Variants in CTNNA1 observed in about 807,000 individuals in gnomAD.
The protein encoded by CTNNA1 is catenin alpha-1.
In CTNNA1, 37 loss-of-function variants were observed where a neutral mutation model predicts 98.4. That is an observed-to-expected ratio of 0.38 (90% CI 0.29 to 0.49). CTNNA1 has a LOEUF of 0.49. Ranked by LOEUF, CTNNA1 falls within the 20% of genes least tolerant of loss-of-function variation. The pLI is 0.95. For synonymous variants in CTNNA1, 404 were observed against 413.2 expected (o/e 0.98, Z 0.27); for missense variants, 761 against 1,147.2 (o/e 0.66, Z 4.86).
At chr5:138,853,680 T>G (rs1763455467) in intron 7 of CTNNA1, among the ~76,000 whole-genome samples, 1 of 152,182 alleles carries the variant, frequency 6.6e-6, no homozygotes, top group South Asian at 2.1e-4. Context: ...GAAAGATGTG[T>G]AAGGAATTTA....
chr5:138,930,879 A>C lies in CTNNA1; in HGVS notation c.2242A>C (p.Lys748Gln), dbSNP rs1254765947. Reference sequence around the variant, plus strand: ...ATCGGATGTCATCAGTGCTGCCAAGAAAATTGCTGAGGCAGGATCCAGGAT... The same window carrying C: ...ATCGGATGTCATCAGTGCTGCCAAGCAAATTGCTGAGGCAGGATCCAGGAT... Reference protein sequence around the residue: ...NTSDVISAAKKIAEAGSRMDK... With the variant: ...NTSDVISAAKQIAEAGSRMDK... The change falls in exon 16 of 18, where the codon AAA becomes CAA. Residue 748 changes from lysine (K) to glutamine (Q), a missense_variant. By Grantham distance (53) the Lys-to-Gln change is moderately conservative. Transcript: ENST00000302763. 3 of 1,613,966 alleles carry C rather than the reference A, an allele frequency of 1.9e-6. No individual in the cohort carries two copies. In the African/African-American group the frequency reaches 4.0e-5, roughly 22 times the overall value.
intron 7 of CTNNA1, among the ~76,000 whole-genome samples, chr5:138,866,040 G>A (rs1044702953): frequency 3.3e-5 from 5 of 152,152 alleles, no homozygotes; most frequent in Non-Finnish European, 5.9e-5. Context: ...GCTGGGTGTG[G>A]TGGCGAACGC....
intron 17 of CTNNA1, 121 bp from the exon 18 acceptor site, chr5:138,933,681 C>T (rs976845829): frequency 3.6e-5 from 37 of 1,019,364 alleles, no homozygotes; most frequent in Admixed American, 1.6e-4. Flanking sequence ...CAATCCTCTG[C>T]GACCTGCCCA....
intron 9 of CTNNA1, among the ~76,000 whole-genome samples, chr5:138,902,474 C>T (rs886601093): frequency 6.6e-6 from 1 of 152,240 alleles, no homozygotes; most frequent in Non-Finnish European, 1.5e-5. Context: ...GGCTGGAGTG[C>T]AGTGGCGTGA....
At position 138,783,295 on chromosome 5, in the gene CTNNA1, A is replaced by G; in HGVS notation, c.224A>G (p.Lys75Arg). Reference protein sequence around the residue: ...VEQATENFLEKGDKIAKESQF... With the variant: ...VEQATENFLERGDKIAKESQF... ...CAAGCAACTGAGAATTTCTTGGAGA[A>G]GGGGGATAAAATTGCGAAGGAGAGC... Residue 75 changes from lysine (K) to arginine (R), a missense_variant, in exon 3 of 18, where the codon AAG becomes AGG. This residue lies in a region of CTNNA1 where 328 missense variants were observed against 354.3 expected (regional missense o/e 0.93). Transcript: ENST00000302763. 6.2e-7 allele frequency: 1 copy of G among 1,614,150 alleles called. No homozygotes were observed.
intron 3 of CTNNA1, among the ~76,000 whole-genome samples, chr5:138,799,517 T>G (rs188027666): frequency 6.6e-6 from 1 of 152,292 alleles, no homozygotes; most frequent in African/African-American, 2.4e-5. Context: ...AAAAAAAAGT[T>G]GTTGATTCCT....
At chr5:138,782,699 G>A (rs917785874) in intron 2 of CTNNA1, among the ~76,000 whole-genome samples, 9 of 152,286 alleles carry the variant, frequency 5.9e-5, no homozygotes, top group Admixed American at 2.0e-4. Context: ...GCAATCATTC[G>A]TTTATTGGGA....
intron 9 of CTNNA1, among the ~76,000 whole-genome samples, chr5:138,894,482 T>C (rs1417464897): frequency 6.6e-6 from 1 of 151,554 alleles, no homozygotes; most frequent in Non-Finnish European, 1.5e-5. Context: ...GGTTTTGCCA[T>C]GTTGTGCAGG....
At position 138,824,559 on chromosome 5, in the gene CTNNA1, G is replaced by C. The variant is rs150893072; in HGVS notation, c.618G>C (p.Gln206His). Residue 206 changes from glutamine (Q) to histidine (H), a missense_variant, in exon 6 of 18, where the codon CAG (glutamine) becomes CAC (histidine). Around this residue, in one of 6 missense-constraint regions of CTNNA1, gnomAD observed 328 missense variants for 354.3 expected, o/e 0.93. Transcript: ENST00000302763. ...TGAAAGATGTTGGCCATCGTGATCA[G>C]ATGGCTGCAGCTAGAGGAATCCTGC... The part of the protein sequence containing the change: ...QELKDVGHRD[Q>H]MAAARGILQK... 7,113 of 1,614,158 alleles carry C rather than the reference G, an allele frequency of 4.4e-3. 38 individuals are homozygous for C. Among genetic ancestry groups the C allele is most frequent in the Non-Finnish European group, 4.6e-3 (5,455 of 1,180,016 alleles).
At chr5:138,853,450 T>TC (rs1763427336) in intron 7 of CTNNA1, among the ~76,000 whole-genome samples, 2 of 152,174 alleles carry the variant, frequency 1.3e-5, no homozygotes, top group South Asian at 2.1e-4. Flanking sequence ...GCGTGTGTTT[T>TC]CCCCCGCCTT....
At chr5:138,786,789 GACA>G (rs1278364238) in intron 3 of CTNNA1, among the ~76,000 whole-genome samples, 1 of 152,120 alleles carries the variant, frequency 6.6e-6, no homozygotes, top group Non-Finnish European at 1.5e-5. Flanking sequence ...TCAAGTTTCA[GACA>G]ACATCAGTCC....
intron 7 of CTNNA1, among the ~76,000 whole-genome samples, chr5:138,850,359 A>G (rs1230515332): frequency 6.6e-6 from 1 of 152,216 alleles, no homozygotes; most frequent in East Asian, 1.9e-4. Context: ...TCACATGTCT[A>G]GAATATAATC....
chr5:138,867,325 A>G (rs2149903289), intron 7 of CTNNA1, among the ~76,000 whole-genome samples: 1 of 152,258 alleles, frequency 6.6e-6, no homozygotes, highest in Middle Eastern at 3.4e-3. Flanking sequence ...CTATTCCTCC[A>G]TGTGGTCCTG....
chr5:138,867,421 C>A (rs1424240041), intron 7 of CTNNA1, among the ~76,000 whole-genome samples: 1 of 152,224 alleles, frequency 6.6e-6, no homozygotes, highest in African/African-American at 2.4e-5. Flanking sequence ...GAAGCCAGGG[C>A]AGTTTATGCC....
At chr5:138,910,125 A>G (rs1760227638) in intron 10 of CTNNA1, among the ~76,000 whole-genome samples, 1 of 151,808 alleles carries the variant, frequency 6.6e-6, no homozygotes, top group South Asian at 2.1e-4. Flanking sequence ...ACTGAGGTCT[A>G]CAGGTAACAG....
chr5:138,901,530 T>C (rs1758028381), intron 9 of CTNNA1, among the ~76,000 whole-genome samples: 1 of 152,114 alleles, frequency 6.6e-6, no homozygotes, highest in Non-Finnish European at 1.5e-5. Context: ...GCTCAAGCTA[T>C]TCTCCCAACT....
intron 7 of CTNNA1, among the ~76,000 whole-genome samples, chr5:138,828,954 T>C (rs1473875077): frequency 1.3e-5 from 2 of 152,120 alleles, no homozygotes; most frequent in Non-Finnish European, 2.9e-5. Context: ...TGAAATCCCA[T>C]CTCTACAAAA....
chr5:138,827,575 G>A lies in CTNNA1; in HGVS notation c.919G>A (p.Glu307Lys), dbSNP rs869320697. The change falls in exon 7 of 18, where the codon GAG becomes AAG. Residue 307 changes from glutamate (E) to lysine (K), a missense_variant. Around this residue, in one of 6 missense-constraint regions of CTNNA1, gnomAD observed 287 missense variants for 436.0 expected, o/e 0.66. Transcript: ENST00000302763. ...GGAGCGCTTTAGGCCTTCCCTGGAG[G>A]AGCGTCTGGAAAGCATCATTAGTGG... ...SEERFRPSLE[E>K]RLESIISGAA... 6.2e-7 allele frequency: 1 copy of A among 1,614,212 alleles called. No homozygotes were observed. The highest frequency in any genetic ancestry group is 8.5e-7 in the Non-Finnish European group (1 of 1,180,038).
chr5:138,797,560 C>CT (rs1229461436), intron 3 of CTNNA1, among the ~76,000 whole-genome samples: 1 of 152,052 alleles, frequency 6.6e-6, no homozygotes, highest in Non-Finnish European at 1.5e-5. Context: ...TTTTCTGGAC[C>CT]TTAAAGGTAG....
Sources: allele counts gnomAD v4.1 joint callset (sites outside exome capture counted in the v4.1 genomes callset), GRCh38; gene constraint gnomAD v4.1.1; regional missense constraint gnomAD v4.1.1; transcripts MANE v1.5; gene names NCBI Gene and HGNC (gene_info 2026-07-23, HGNC 2026-07-21).